The following MTMR10 variants were observed in gnomAD, a reference collection of about 807,000 sequenced individuals.
The protein encoded by MTMR10 is myotubularin-related protein 10.
In MTMR10, 56 loss-of-function variants were observed where a neutral mutation model predicts 88.1. That is an observed-to-expected ratio of 0.64 (90% confidence interval 0.51 to 0.79). The LOEUF (loss-of-function observed/expected upper bound fraction) is 0.79, where lower values mean the gene tolerates loss of function less well. Among genes scored for constraint, MTMR10 ranks in the 30% least tolerant of loss-of-function variants. The pLI is 0.00. For missense variants in MTMR10, 883 were observed against 924.7 expected (o/e 0.95, Z 0.58); for synonymous variants, 380 against 340.9 (o/e 1.11, Z -1.26).
At chr15:30,929,601 C>CATATTACATATATAATATATATTAT in the MTMR10 span, among the ~76,000 whole-genome samples, 2 of 122,782 alleles carry the variant, frequency 1.6e-5, no homozygotes, top group East Asian at 4.3e-4. Flanking sequence ...TTATATATTA[C>CATATTACATATATAATATATATTAT]ATATTACATA....
At chr15:30,943,558 G>T in intron 14 of MTMR10, 1 of 985,444 alleles carries the variant, frequency 1.0e-6, no homozygotes, top group Non-Finnish European at 1.2e-6. Context: ...CTGAGCCAGT[G>T]ATCTCAAATC....
intron 6 of MTMR10, among the ~76,000 whole-genome samples, chr15:30,964,390 A>G (rs993346498): frequency 2.0e-5 from 3 of 152,240 alleles, no homozygotes; most frequent in Admixed American, 2.0e-4. Context: ...GATCTAACTT[A>G]CACAAATTTT....
At chr15:30,985,826 T>C (rs1252310210) in intron 2 of MTMR10, among the ~76,000 whole-genome samples, 2 of 152,214 alleles carry the variant, frequency 1.3e-5, no homozygotes, top group African/African-American at 4.8e-5. Context: ...CTTCTGGAAC[T>C]GTGGCCACTT....
At chr15:30,948,854 A>C (rs2063206507) in intron 12 of MTMR10, 2 of 234,498 alleles carry the variant, frequency 8.5e-6, no homozygotes, top group African/African-American at 4.7e-5. Context: ...GTGAATGGGG[A>C]GAGTGGGACT....
rs1475480189 is a variant in MTMR10 at position 30,960,971 on chromosome 15, G to GTTT, written c.665_667dup (p.Glu222_Thr223insLys). The GTTT allele has an allele frequency of 6.2e-7, 1 of 1,603,898 alleles. No individual in the cohort carries two copies. Among genetic ancestry groups the GTTT allele is most frequent in the East Asian group, 2.2e-5 (1 of 44,608 alleles). On this transcript the variant is annotated inframe_insertion, in exon 7 of 16. Coordinates refer to ENST00000435680, the MANE Select transcript of MTMR10 (RefSeq NM_017762.3). ...GATTTCTCTGTCCCAATCCGAGTAA[G>GTTT]TTTCAAAGAGTGGAGTTTTCTGGCT...
chr15:30,957,828 A>G (rs1293155033), intron 9 of MTMR10, among the ~76,000 whole-genome samples: 2 of 152,196 alleles, frequency 1.3e-5, no homozygotes, highest in Admixed American at 1.3e-4. Context: ...AACACCAGGG[A>G]AAGTCCAGGG....
chr15:30,959,726 G>C (rs2063375832), intron 7 of MTMR10, among the ~76,000 whole-genome samples: 1 of 152,214 alleles, frequency 6.6e-6, no homozygotes, highest in African/African-American at 2.4e-5. Context: ...AAAGATACAA[G>C]CTACATGCTG....
chr15:30,940,429 C>T lies in MTMR10; in HGVS notation c.*1041G>A. 1 of 985,382 alleles carries T rather than the reference C, an allele frequency of 1.0e-6. No individual in the cohort carries two copies. 61.0% of individuals were successfully genotyped at this position (985,382 alleles called of 1,614,324 possible). A position where few individuals can be genotyped will look rare whatever the true frequency, so the allele number is the denominator to read the frequency against. On this transcript the variant is annotated 3_prime_UTR_variant, in exon 16 of 16. Coordinates refer to ENST00000435680, the MANE Select transcript of MTMR10 (RefSeq NM_017762.3). ...TCCATTTTTTTATTTCTCCTCTATT[C>T]CTAAGCATTAGGAACTATGAGAGAA...
chr15:30,990,631 C>T (rs752403196), intron 2 of MTMR10, 146 bp downstream of exon 2: 1 of 686,546 alleles, frequency 1.5e-6, no homozygotes. Flanking sequence ...CTTGACAGTT[C>T]CTTTTTCTCC....
chr15:30,941,686 G>A lies in MTMR10; in HGVS notation c.2118C>T (p.Ala706=). 6.2e-7 allele frequency: 1 copy of A among 1,613,778 alleles called. No homozygotes were observed. The highest frequency in any genetic ancestry group is 8.5e-7 in the Non-Finnish European group (1 of 1,179,802). The change falls in exon 16 of 16, where the codon GCC becomes GCT. Residue 706 remains alanine, a synonymous_variant. Coordinates refer to ENST00000435680, the MANE Select transcript of MTMR10 (RefSeq NM_017762.3). ...TGCTCTGGCCCAGCTCCCCATAGCA[G>A]GCCTCCAGGGGGCCACTGCGCTGTT... ...LRQQRSGPLE[A]CYGELGQSRM... is the part of the protein sequence containing the mutation.
At chr15:30,919,980 A>G in the MTMR10 span, among the ~76,000 whole-genome samples, 2 of 152,246 alleles carry the variant, frequency 1.3e-5, no homozygotes, top group Non-Finnish European at 2.9e-5. Context: ...TTAGATTACT[A>G]TAAACAGAGG....
chr15:30,953,325 G>A (rs1006997096), intron 11 of MTMR10, among the ~76,000 whole-genome samples: 10 of 152,176 alleles, frequency 6.6e-5, no homozygotes, highest in African/African-American at 2.2e-4. Context: ...TCGCACAGCT[G>A]TGTTAAGGGC....
downstream of MTMR10, among the ~76,000 whole-genome samples, chr15:30,933,993 C>T (rs2062786386): frequency 6.6e-6 from 1 of 152,104 alleles, no homozygotes; most frequent in Non-Finnish European, 1.5e-5. Context: ...AACTCCTGGG[C>T]TCCACGTTGG....
the MTMR10 span, chr15:30,926,013 A>G: frequency 6.8e-7 from 1 of 1,475,778 alleles, no homozygotes; most frequent in Admixed American, 1.7e-5. Flanking sequence ...GGCTGTCAGC[A>G]GTGGGCTGCT....
At chr15:30,938,734 G>T (rs1425039869), downstream of MTMR10, among the ~76,000 whole-genome samples, 1 of 152,180 alleles carries the variant, frequency 6.6e-6, no homozygotes, top group Non-Finnish European at 1.5e-5. Flanking sequence ...GGAAGGACCA[G>T]TTAGGGCATG....
intron 2 of MTMR10, among the ~76,000 whole-genome samples, chr15:30,989,010 A>T (rs200144873): frequency 5.2e-4 from 77 of 149,474 alleles, no homozygotes; most frequent in East Asian, 2.9e-3. Flanking sequence ...AAAAAAATTT[A>T]AAAAAAATTT....
In MTMR10 at chr15:30,940,593, G is replaced by T. The variant is rs887440090; in HGVS notation, c.*877C>A. On this transcript the variant is annotated 3_prime_UTR_variant, in exon 16 of 16. Coordinates refer to ENST00000435680, the MANE Select transcript of MTMR10 (RefSeq NM_017762.3). The stretch of plus-strand genomic sequence containing the variant: ...GCAAGCCTTGTTTGTTTTTGAGGGC[G>T]AGTTTTGGCATAGATGGCACTCTCC... The T allele has an allele frequency of 4.1e-6, 4 of 985,270 alleles. No individual in the cohort carries two copies. The highest frequency in any genetic ancestry group is 4.8e-6 in the Non-Finnish European group (4 of 830,008). 61.0% of individuals were successfully genotyped at this position (985,270 alleles called of 1,614,324 possible). A position where few individuals can be genotyped will look rare whatever the true frequency, so the allele number is the denominator to read the frequency against.
At chr15:30,921,108 G>A in the MTMR10 span, among the ~76,000 whole-genome samples, 3 of 152,152 alleles carry the variant, frequency 2.0e-5, no homozygotes, top group Non-Finnish European at 2.9e-5. Context: ...CCTGGCCAAC[G>A]AGGGCATAGT....
chr15:30,988,117 G>A (rs1375855604), intron 2 of MTMR10, among the ~76,000 whole-genome samples: 3 of 152,170 alleles, frequency 2.0e-5, no homozygotes, highest in Admixed American at 6.5e-5. Context: ...TTCATGGGTA[G>A]AGCAGTAGGC....
Sources: gnomAD v4.1 joint callset for allele counts (sites outside exome capture counted in the v4.1 genomes callset) on GRCh38, gnomAD v4.1.1 for gene constraint, MANE v1.5 for transcripts, NCBI Gene and HGNC (gene_info 2026-07-23, HGNC 2026-07-21) for gene names.